KCNG2: variants seen among roughly 807,000 people sequenced by gnomAD.
The protein encoded by KCNG2 is potassium voltage-gated channel modifier subfamily G member 2.
In KCNG2, 7 loss-of-function variants were observed where a neutral mutation model predicts 12.3. The ratio of observed to expected loss-of-function variants is 0.57; its 90% CI spans 0.32 to 1.07. KCNG2 has a LOEUF of 1.07. Ranked by LOEUF, KCNG2 falls within the 50% of genes least tolerant of loss-of-function variation. The pLI, the probability that KCNG2 is intolerant of heterozygous loss-of-function variation, is 0.04. For missense variants in KCNG2, 703 were observed against 726.0 expected (o/e 0.97, Z 0.36); for synonymous variants, 414 against 351.4 (o/e 1.18, Z -1.99).
At chr18:79,867,221 A>G (rs1196284206) in intron 3 of KCNG2, among the ~76,000 whole-genome samples, 1 of 151,780 alleles carries the variant, frequency 6.6e-6, no homozygotes, top group Non-Finnish European at 1.5e-5. Context: ...CTGGGTGACT[A>G]GACCTGGGTG....
chr18:79,898,011 G>A (rs1369007779), intron 3 of KCNG2, among the ~76,000 whole-genome samples: 1 of 152,144 alleles, frequency 6.6e-6, no homozygotes, highest in South Asian at 2.1e-4. Flanking sequence ...GACCCCAGGA[G>A]GGCTCCTGCC....
At chr18:79,853,956 G>T (rs938272134) in intron 1 of KCNG2, among the ~76,000 whole-genome samples, 1 of 152,252 alleles carries the variant, frequency 6.6e-6, no homozygotes, top group South Asian at 2.1e-4. Context: ...TCGGGGTCCA[G>T]CCTGTGAAAC....
chr18:79,892,901 T>A (rs1157232649), intron 3 of KCNG2, among the ~76,000 whole-genome samples: 2 of 151,532 alleles, frequency 1.3e-5, no homozygotes, highest in African/African-American at 4.9e-5. Flanking sequence ...ATGTTACAAT[T>A]GATATAGTTG....
At position 79,822,007 on chromosome 18, in the gene KCNG2, G is replaced by A. The variant is rs1281463374; in HGVS notation, c.-115+23993G>A. Among the ~76,000 whole-genome samples the A allele has an allele frequency of 2.0e-5, 3 of 152,198 alleles. No individual in the cohort carries two copies. Among genetic ancestry groups the A allele is most frequent in the African/African-American group, 7.2e-5 (3 of 41,446 alleles). On this transcript the variant is annotated intron_variant, in intron 1 of 3. Coordinates refer to ENST00000316249, the MANE Select transcript of KCNG2 (RefSeq NM_012283.2). The surrounding 1 kb of genome is among the most constrained non-coding windows in gnomAD (Gnocchi z 4.4). ...CATTCTAGAAGTGGGCTGAGTGAAT[G>A]TGCCAGATGGGTTTGTTGTGAGGAA...
chr18:79,832,975 A>G (rs1200235294), intron 1 of KCNG2, among the ~76,000 whole-genome samples: 1 of 152,194 alleles, frequency 6.6e-6, no homozygotes, highest in Non-Finnish European at 1.5e-5. Context: ...GGCTGCACCC[A>G]GTCTCCAAGG....
At chr18:79,862,595 T>C (rs767389934) in intron 2 of KCNG2, among the ~76,000 whole-genome samples, 5 of 152,190 alleles carry the variant, frequency 3.3e-5, no homozygotes, top group Non-Finnish European at 4.4e-5. Flanking sequence ...GGCGTGTGCG[T>C]GGCATTCCAG....
chr18:79,817,633 A>G (rs56299796), intron 1 of KCNG2, among the ~76,000 whole-genome samples: 2 of 152,230 alleles, frequency 1.3e-5, no homozygotes, highest in African/African-American at 2.4e-5. Context: ...TGTCACATGC[A>G]TGTCACACAC....
intron 3 of KCNG2, among the ~76,000 whole-genome samples, chr18:79,888,370 ATCCTCCTCATGAG>A (rs1568272114): frequency 3.9e-4 from 59 of 151,246 alleles, no homozygotes; most frequent in African/African-American, 1.3e-3. Context: ...GGACAGCAGC[ATCCTCCTCATGAG>A]GCCGCGGTGG....
chr18:79,860,240 T>C (rs1979163242), intron 2 of KCNG2, among the ~76,000 whole-genome samples: 1 of 152,242 alleles, frequency 6.6e-6, no homozygotes, highest in South Asian at 2.1e-4. Context: ...TCAAGTTTGT[T>C]TTGGCTACCT....
Position 79,822,945 on chromosome 18 carries a change from G to A in KCNG2, c.-115+24931G>A, listed in dbSNP as rs1443310772. On this transcript the variant is annotated intron_variant, in intron 1 of 3. Transcript: ENST00000316249. This position sits in a 1 kb window ranked among gnomAD's most constrained non-coding sequence, Gnocchi z 4.4. ...TGTGGGTGTGGCTCACTTGTGGCATGTGAAGAGCGTGTGGAGCACCCCAAG... is the reference window on the plus strand; with the variant it reads ...TGTGGGTGTGGCTCACTTGTGGCATATGAAGAGCGTGTGGAGCACCCCAAG... 6.6e-6 allele frequency among the ~76,000 whole-genome samples: 1 copy of A among 152,244 alleles called. No homozygotes were observed. The highest frequency in any genetic ancestry group is 1.5e-5 in the Non-Finnish European group (1 of 68,056).
intron 3 of KCNG2, among the ~76,000 whole-genome samples, chr18:79,893,325 G>A (rs1307569919): frequency 6.6e-6 from 1 of 151,378 alleles, no homozygotes; most frequent in Non-Finnish European, 1.5e-5. Context: ...TGACTGGGTT[G>A]TTCACTCCAT....
chr18:79,863,664 G>A lies in KCNG2; in HGVS notation c.-4G>A. ...GAGCCCCTCGGTCCGGTCCGGCCCTGCGCATGGAGCCATGGCCCTGCTCCC... is the reference window on the plus strand; with the variant it reads ...GAGCCCCTCGGTCCGGTCCGGCCCTACGCATGGAGCCATGGCCCTGCTCCC... On this transcript the variant is annotated 5_prime_UTR_variant, in exon 3 of 4. Coordinates refer to ENST00000316249, the MANE Select transcript of KCNG2 (RefSeq NM_012283.2). The A allele has an allele frequency of 8.3e-7, 1 of 1,210,672 alleles. No individual in the cohort carries two copies. Among genetic ancestry groups the A allele is most frequent in the Non-Finnish European group, 1.0e-6 (1 of 973,388 alleles). The allele number at this position is 1,210,672 out of a possible 1,614,324, so 75.0% of individuals were successfully genotyped here.
intron 1 of KCNG2, among the ~76,000 whole-genome samples, chr18:79,807,824 CT>C (rs1892944646): frequency 2.1e-5 from 3 of 141,056 alleles, no homozygotes; most frequent in African/African-American, 5.4e-5. Context: ...AGAGTCCGCG[CT>C]CTGAGGAGCT....
At position 79,899,957 on chromosome 18, in the gene KCNG2, GC is replaced by G; in HGVS notation, c.*145del. On this transcript the variant is annotated 3_prime_UTR_variant, in exon 4 of 4. Transcript: ENST00000316249. ...CGTCCTCGGCCCTCGTGCGTGAGCA[GC>G]CCCAGAACTTGGCGGGGCCCTGCCT... 1 of 766,004 alleles carries G rather than the reference GC, an allele frequency of 1.3e-6. No individual in the cohort carries two copies. The highest frequency in any genetic ancestry group is 1.8e-6 in the Non-Finnish European group (1 of 563,366). The allele number at this position is 766,004 out of a possible 1,614,324, so 47.5% of individuals were successfully genotyped here. A position where few individuals can be genotyped will look rare whatever the true frequency, so the allele number is the denominator to read the frequency against.
chr18:79,892,270 T>C (rs976039727), intron 3 of KCNG2, among the ~76,000 whole-genome samples: 17 of 152,274 alleles, frequency 1.1e-4, no homozygotes, highest in Admixed American at 1.1e-3. Context: ...ATCTTCTTGA[T>C]GGATTGACCT....
Position 79,864,297 on chromosome 18 carries a change from C to T in KCNG2, c.624+6C>T, listed in dbSNP as rs1175553449. ...TCCGCGCCGAGGAGGAGCGGGTGAG[C>T]GCGGCCGGGGGTGGCGGGGACCGGG... On this transcript the variant is annotated splice_donor_region_variant and intron_variant, in intron 3 of 3. Coordinates refer to ENST00000316249, the MANE Select transcript of KCNG2 (RefSeq NM_012283.2). The T allele has an allele frequency of 1.4e-6, 2 of 1,442,140 alleles. No individual in the cohort carries two copies. The highest frequency in any genetic ancestry group is 1.8e-6 in the Non-Finnish European group (2 of 1,089,502). The allele number at this position is 1,442,140 out of a possible 1,614,324, so 89.3% of individuals were successfully genotyped here.
intron 3 of KCNG2, among the ~76,000 whole-genome samples, chr18:79,898,089 C>G (rs145520168): frequency 1.3e-5 from 2 of 152,210 alleles, no homozygotes; most frequent in Non-Finnish European, 2.9e-5. Flanking sequence ...GGTCAGCACA[C>G]GCATGAATCC....
At chr18:79,830,838 C>G (rs35367255) in intron 1 of KCNG2, among the ~76,000 whole-genome samples, 1 of 125,246 alleles carries the variant, frequency 8.0e-6, no homozygotes, top group Non-Finnish European at 1.7e-5. Context: ...TCGTCAGGAG[C>G]GTTCTCTGCG....
chr18:79,869,520 C>G (rs983981309), intron 3 of KCNG2, among the ~76,000 whole-genome samples: 1 of 151,942 alleles, frequency 6.6e-6, no homozygotes, highest in Non-Finnish European at 1.5e-5. Context: ...CCCTGGGGAC[C>G]GGAAGGTGGA....
Sources: gnomAD v4.1 joint callset for allele counts (sites outside exome capture counted in the v4.1 genomes callset) on GRCh38, gnomAD v4.1.1 for gene constraint, Gnocchi (gnomAD v3.1) non-coding constraint, MANE v1.5 for transcripts, NCBI Gene and HGNC (gene_info 2026-07-23, HGNC 2026-07-21) for gene names.